The following DENND6A variants were observed in gnomAD, a reference collection of about 807,000 sequenced individuals.
The protein encoded by DENND6A is DENN domain containing 6A, also known as protein DENND6A.
DENND6A carries 43 observed loss-of-function variants against 95.5 expected under a neutral mutation model. The ratio of observed to expected loss-of-function variants is 0.45; its 90% CI spans 0.35 to 0.58. The LOEUF is 0.58. Ranked by LOEUF, DENND6A falls within the 20% of genes least tolerant of loss-of-function variation. The pLI, the probability that DENND6A is intolerant of heterozygous loss-of-function variation, is 0.00. For missense variants in DENND6A, 574 were observed against 736.0 expected (o/e 0.78, Z 2.55); for synonymous variants, 257 against 260.4 (o/e 0.99, Z 0.13).
At chr3:57,640,718 C>T (rs926106019) in intron 12 of DENND6A, among the ~76,000 whole-genome samples, 17 of 152,000 alleles carry the variant, frequency 1.1e-4, no homozygotes, top group Non-Finnish European at 1.5e-4. Flanking sequence ...GTCAGTAGTC[C>T]GCTACATTAC....
At chr3:57,660,412 C>T (rs1430758658) in intron 7 of DENND6A, among the ~76,000 whole-genome samples, 2 of 152,046 alleles carry the variant, frequency 1.3e-5, no homozygotes, top group African/African-American at 4.8e-5. Flanking sequence ...AACACTTGGG[C>T]TCAAGGGATC....
intron 12 of DENND6A, among the ~76,000 whole-genome samples, chr3:57,635,708 T>C (rs966438883): frequency 1.4e-4 from 21 of 152,340 alleles, no homozygotes; most frequent in Middle Eastern, 3.4e-3. Context: ...TGCAATCTTA[T>C]ATTGCTAAAA....
chr3:57,641,520 C>A (rs1033237162), intron 12 of DENND6A, 133 bp downstream of exon 12: 15 of 567,242 alleles, frequency 2.6e-5, no homozygotes, highest in Admixed American at 4.0e-5. Flanking sequence ...GGGAAATTAG[C>A]AGGAAATTAT....
Position 57,634,601 on chromosome 3 carries a change from G to T in DENND6A, c.1220C>A (p.Pro407Gln). ...GATCTCTTCATCTCTATTTAAATATGGCTTATATGAAGTATAAACTCCTAA... is the reference window on the plus strand; with the variant it reads ...GATCTCTTCATCTCTATTTAAATATTGCTTATATGAAGTATAAACTCCTAA... ...SKPGVYTSYK[P>Q]YLNRDEEIIK... The change falls in exon 14 of 20, where the codon CCA (proline) becomes CAA (glutamine). Residue 407 changes from proline to glutamine, a missense_variant. Pro to Gln is a moderately conservative substitution (Grantham distance 76, BLOSUM62 -1). This residue lies in a region of DENND6A where 452 missense variants were observed against 630.9 expected (regional missense o/e 0.72). Transcript: ENST00000311128. The T allele has an allele frequency of 1.4e-6, 2 of 1,465,124 alleles. No individual in the cohort carries two copies. The highest frequency in any genetic ancestry group is 1.4e-5 in the South Asian group (1 of 71,146). The allele number at this position is 1,465,124 out of a possible 1,614,324, so 90.8% of individuals were successfully genotyped here.
At chr3:57,645,405 G>A (rs2071058337) in intron 11 of DENND6A, among the ~76,000 whole-genome samples, 1 of 152,112 alleles carries the variant, frequency 6.6e-6, no homozygotes, top group Admixed American at 6.5e-5. Flanking sequence ...AGGTTGCAGT[G>A]AGCCGAGATC....
At chr3:57,660,196 CTTTT>C (rs11285527) in intron 7 of DENND6A, among the ~76,000 whole-genome samples, 13 of 139,070 alleles carry the variant, frequency 9.3e-5, no homozygotes, top group Admixed American at 1.4e-4. Context: ...CTACAAAGTT[CTTTT>C]TTTTTTTTTT....
intron 1 of DENND6A, among the ~76,000 whole-genome samples, chr3:57,679,121 A>T (rs549713291): frequency 6.6e-6 from 1 of 152,312 alleles, no homozygotes; most frequent in Non-Finnish European, 1.5e-5. Flanking sequence ...AAACAAAACA[A>T]AACAAAATGA....
chr3:57,685,695 T>C (rs931548700), intron 1 of DENND6A, among the ~76,000 whole-genome samples: 7 of 152,202 alleles, frequency 4.6e-5, no homozygotes, highest in African/African-American at 1.7e-4. Context: ...TTAACAGAAA[T>C]AACTAGATTC....
chr3:57,665,076 A>C (rs1413696754), intron 4 of DENND6A, among the ~76,000 whole-genome samples: 1 of 152,168 alleles, frequency 6.6e-6, no homozygotes, highest in African/African-American at 2.4e-5. Flanking sequence ...AGGAAAAAGC[A>C]CATAGTTCAG....
intron 2 of DENND6A, 30 bp downstream of exon 2, chr3:57,672,370 T>C: frequency 1.2e-6 from 2 of 1,611,730 alleles, no homozygotes; most frequent in South Asian, 2.2e-5. Context: ...AATATAACAG[T>C]AAACTATACA....
intron 4 of DENND6A, among the ~76,000 whole-genome samples, chr3:57,664,972 T>A (rs2071504160): frequency 6.6e-6 from 1 of 152,148 alleles, no homozygotes; most frequent in Non-Finnish European, 1.5e-5. Context: ...AATTGAAGGA[T>A]GAATATGACT....
chr3:57,653,155 TC>T (rs2153414809), intron 9 of DENND6A, among the ~76,000 whole-genome samples: 1 of 152,314 alleles, frequency 6.6e-6, no homozygotes, highest in Non-Finnish European at 1.5e-5. Context: ...TTACTACTTT[TC>T]TGTTGGTTTG....
Position 57,692,871 on chromosome 3 carries a change from G to A in DENND6A, c.148C>T (p.Arg50Trp). 6.3e-7 allele frequency: 1 copy of A among 1,585,432 alleles called. No homozygotes were observed. The highest frequency in any genetic ancestry group is 1.1e-5 in the South Asian group (1 of 87,174). ...EDDEEDDGRGRGLLRWDSFSA... is the reference protein window; with the variant it reads ...EDDEEDDGRGWGLLRWDSFSA... ...AAGCTGTCCCAGCGCAGCAGGCCCC[G>A]GCCACGGCCATCGTCCTCTTCATCG... The change falls in exon 1 of 20, where the codon CGG becomes TGG. Residue 50 changes from arginine to tryptophan, a missense_variant. Around this residue, in one of 2 missense-constraint regions of DENND6A, gnomAD observed 122 missense variants for 105.1 expected, o/e 1.16. Coordinates refer to ENST00000311128, the MANE Select transcript of DENND6A (RefSeq NM_152678.3).
At chr3:57,677,716 C>T (rs917179602) in intron 1 of DENND6A, among the ~76,000 whole-genome samples, 4 of 152,026 alleles carry the variant, frequency 2.6e-5, no homozygotes, top group Admixed American at 2.6e-4. Flanking sequence ...GGATTATAGG[C>T]CACTACATCC....
At chr3:57,635,619 T>G (rs965158214) in intron 12 of DENND6A, among the ~76,000 whole-genome samples, 2 of 152,218 alleles carry the variant, frequency 1.3e-5, no homozygotes, top group Admixed American at 1.3e-4. Flanking sequence ...AATGCCTTTG[T>G]TTAAATAGTT....
intron 12 of DENND6A, among the ~76,000 whole-genome samples, chr3:57,637,951 T>C (rs542043882): frequency 5.2e-4 from 79 of 151,954 alleles, no homozygotes; most frequent in Admixed American, 6.6e-4. Context: ...CTGGCCAACA[T>C]GGTGAAACCC....
At chr3:57,639,399 T>C (rs969075958) in intron 12 of DENND6A, among the ~76,000 whole-genome samples, 4 of 152,196 alleles carry the variant, frequency 2.6e-5, no homozygotes, top group Non-Finnish European at 5.9e-5. Flanking sequence ...TACCAATGAT[T>C]TTGTGCAAAA....
At chr3:57,689,791 G>C (rs950794999) in intron 1 of DENND6A, among the ~76,000 whole-genome samples, 1 of 152,146 alleles carries the variant, frequency 6.6e-6, no homozygotes, top group African/African-American at 2.4e-5. Context: ...GGCTGGGCAT[G>C]GTGGCTCAAC....
chr3:57,649,248 A>T (rs551373909), intron 9 of DENND6A, among the ~76,000 whole-genome samples: 4 of 152,294 alleles, frequency 2.6e-5, no homozygotes, highest in African/African-American at 9.6e-5. Context: ...AACAAACATT[A>T]AAAAATGCTT....
Sources: gnomAD v4.1 joint callset for allele counts (sites outside exome capture counted in the v4.1 genomes callset) on GRCh38, gnomAD v4.1.1 for gene constraint, gnomAD v4.1.1 regional missense constraint, MANE v1.5 for transcripts, NCBI Gene and HGNC (gene_info 2026-07-23, HGNC 2026-07-21) for gene names.